Variants in FRMD4B observed in about 807,000 individuals in gnomAD.
FRMD4B encodes FERM domain containing 4B, also known as FERM domain-containing protein 4B.
Under a neutral mutation model 141.5 loss-of-function variants are expected in FRMD4B, and 74 were observed. The ratio of observed to expected loss-of-function variants is 0.52; its 90% confidence interval spans 0.43 to 0.63. FRMD4B has a LOEUF of 0.63. FRMD4B is among the 30% of genes least tolerant of loss of function. FRMD4B has a pLI of 0.00. For synonymous variants in FRMD4B, 506 were observed against 467.9 expected (o/e 1.08, Z -1.05); for missense variants, 1,366 against 1,253.4 (o/e 1.09, Z -1.36).
intron 19 of FRMD4B, among the ~76,000 whole-genome samples, chr3:69,185,748 G>A (rs1026452557): frequency 4.6e-5 from 7 of 152,110 alleles, no homozygotes; most frequent in Non-Finnish European, 8.8e-5. Flanking sequence ...GACACAGTAA[G>A]TACTCAATAG....
intron 1 of FRMD4B, among the ~76,000 whole-genome samples, chr3:69,382,462 A>T (rs1559840048): frequency 6.6e-6 from 1 of 152,234 alleles, no homozygotes; most frequent in Non-Finnish European, 1.5e-5. Flanking sequence ...GGTGTGAGCC[A>T]CTGCACCCAG....
At chr3:69,285,645 A>T (rs1237595157) in intron 5 of FRMD4B, among the ~76,000 whole-genome samples, 1 of 152,098 alleles carries the variant, frequency 6.6e-6, no homozygotes, top group African/African-American at 2.4e-5. Flanking sequence ...GGAGTTTGAG[A>T]CCAGCCTGGC....
In FRMD4B at chr3:69,250,306, T is replaced by C. The variant is rs62254491; in HGVS notation, c.502-207A>G. 8 of 297,894 alleles carry C rather than the reference T, an allele frequency of 2.7e-5. 1 individual carries two copies. The highest frequency in any genetic ancestry group is 5.3e-5 in the African/African-American group (1 of 18,812). The allele number at this position is 297,894 out of a possible 1,614,324, so 18.5% of individuals were successfully genotyped here. ...CTGTGTGTGCGTGTGTGTGTGTGTG[T>C]GTGTGTGTGTGTCTATTTTAAATAG... On this transcript the variant is annotated intron_variant, in intron 5 of 22. Coordinates refer to ENST00000398540, the MANE Select transcript of FRMD4B (RefSeq NM_015123.3).
intron 1 of FRMD4B, among the ~76,000 whole-genome samples, chr3:69,454,276 G>A (rs977473372): frequency 1.3e-5 from 2 of 152,240 alleles, no homozygotes; most frequent in East Asian, 1.9e-4. Flanking sequence ...GGAGGTGACA[G>A]CGTGCTGGCA....
intron 11 of FRMD4B, among the ~76,000 whole-genome samples, chr3:69,205,302 G>C (rs1412219977): frequency 6.6e-6 from 1 of 151,736 alleles, no homozygotes; most frequent in African/African-American, 2.4e-5. Context: ...TGAGTAGCTG[G>C]GACAACAGGT....
intron 1 of FRMD4B, among the ~76,000 whole-genome samples, chr3:69,482,960 AG>A (rs1706155049): frequency 6.6e-6 from 1 of 152,250 alleles, no homozygotes; most frequent in African/African-American, 2.4e-5. Flanking sequence ...GCTAGGCAGG[AG>A]GACCTAGATA....
At chr3:69,377,706 A>G (rs1704009864) in intron 1 of FRMD4B, among the ~76,000 whole-genome samples, 1 of 152,102 alleles carries the variant, frequency 6.6e-6, no homozygotes, top group Admixed American at 6.6e-5. Context: ...TCTCGTAACA[A>G]CCTGGGACAA....
At chr3:69,455,576 T>C (rs1425965582) in intron 1 of FRMD4B, among the ~76,000 whole-genome samples, 1 of 151,954 alleles carries the variant, frequency 6.6e-6, no homozygotes, top group African/African-American at 2.4e-5. Flanking sequence ...CGACGGAACA[T>C]CAGAAGGAAC....
intron 1 of FRMD4B, among the ~76,000 whole-genome samples, chr3:69,369,799 C>A (rs1457709536): frequency 6.6e-6 from 1 of 152,144 alleles, no homozygotes; most frequent in Non-Finnish European, 1.5e-5. Context: ...CTAACTTAAA[C>A]ACTGAATTCA....
At chr3:69,410,979 T>C (rs968136028) in intron 2 of FRMD4B, among the ~76,000 whole-genome samples, 1 of 151,910 alleles carries the variant, frequency 6.6e-6, no homozygotes, top group Non-Finnish European at 1.5e-5. Flanking sequence ...CTGTAAGCCA[T>C]AAGGGGTCAG....
intron 5 of FRMD4B, among the ~76,000 whole-genome samples, chr3:69,270,353 C>T (rs2093588347): frequency 6.6e-6 from 1 of 152,124 alleles, no homozygotes; most frequent in Non-Finnish European, 1.5e-5. Context: ...GCATGTGAAG[C>T]ACTGCAGGAA....
At chr3:69,519,450 C>A (rs1001833477) in intron 1 of FRMD4B, among the ~76,000 whole-genome samples, 2 of 152,070 alleles carry the variant, frequency 1.3e-5, no homozygotes, top group Non-Finnish European at 2.9e-5. Flanking sequence ...TGACCAATAA[C>A]CAGGAATCCC....
chr3:69,536,752 T>C (rs1701093758), intron 1 of FRMD4B: 1 of 538,058 alleles, frequency 1.9e-6, no homozygotes, highest in Non-Finnish European at 3.4e-6. Flanking sequence ...ATTTTTTTAA[T>C]TTTTTATTTT....
chr3:69,465,656 T>C (rs13088563), intron 1 of FRMD4B, among the ~76,000 whole-genome samples: 32,643 of 151,908 alleles, frequency 0.21, 3,987 homozygotes, highest in Non-Finnish European at 0.29. Flanking sequence ...TTTTCTGTTC[T>C]TGTGATAGTT....
chr3:69,321,359 A>AG (rs1448883461), intron 1 of FRMD4B, among the ~76,000 whole-genome samples: 1 of 152,102 alleles, frequency 6.6e-6, no homozygotes, highest in Non-Finnish European at 1.5e-5. Flanking sequence ...CTTTTTAAAA[A>AG]TTTTTCTTCT....
rs142803905 is a variant in FRMD4B at position 69,419,176 on chromosome 3, CCTAA to C, written c.-1+13454_-1+13457del. 9.8e-3 allele frequency among the ~76,000 whole-genome samples: 1,487 copies of C among 152,200 alleles called. 17 individuals are homozygous for C. The highest frequency in any genetic ancestry group is 0.034 in the African/African-American group (1,401 of 41,510). ...AGAAGTGAAAAGGGGTGAGTTTTCACCTAACTATTTCAGTTACAGGAGTAGAAAT... is the reference window on the plus strand; with the variant it reads ...AGAAGTGAAAAGGGGTGAGTTTTCACCTATTTCAGTTACAGGAGTAGAAAT... On this transcript the variant is annotated intron_variant, in intron 2 of 5. Transcript: ENST00000459638.
In FRMD4B at chr3:69,244,357, T is replaced by G. The variant is rs560812253; in HGVS notation, c.581+4869A>C. ...GCTGAATTCAAGAAAGAGGTGGATA[T>G]TCACAAGGAGTGGACCAGAGCAGCC... On this transcript the variant is annotated intron_variant, in intron 7 of 22. Transcript: ENST00000398540. 2.0e-5 allele frequency among the ~76,000 whole-genome samples: 3 copies of G among 152,310 alleles called. No homozygotes were observed. The South Asian group carries it at 6.2e-4, about 32-fold the overall frequency.
rs1304630611 is a variant in FRMD4B at position 69,235,604 on chromosome 3, A to G, written c.582-10914T>C. 2.0e-5 allele frequency among the ~76,000 whole-genome samples: 3 copies of G among 152,136 alleles called. No individual in the cohort carries two copies. The East Asian group carries it at 5.8e-4, about 29-fold the overall frequency. On this transcript the variant is annotated intron_variant, in intron 7 of 22. Transcript: ENST00000398540. Reference sequence around the variant, plus strand: ...AGCCTGGGAGGCGGAGGTTGCAGTGAGCCCAGACCATGCCACTGTACTCCA... The same window carrying G: ...AGCCTGGGAGGCGGAGGTTGCAGTGGGCCCAGACCATGCCACTGTACTCCA...
chr3:69,403,968 T>G (rs1262087021), intron 2 of FRMD4B, among the ~76,000 whole-genome samples: 2 of 152,200 alleles, frequency 1.3e-5, no homozygotes, highest in African/African-American at 4.8e-5. Flanking sequence ...GGCACAATTA[T>G]GCTCACAGCC....
Sources: gnomAD v4.1 joint callset for allele counts (sites outside exome capture counted in the v4.1 genomes callset) on GRCh38, gnomAD v4.1.1 for gene constraint, MANE v1.5 for transcripts, NCBI Gene and HGNC (gene_info 2026-07-23, HGNC 2026-07-21) for gene names.